Variants in CHD9 observed in about 807,000 individuals in gnomAD.
The protein encoded by CHD9 is ATP-dependent chromatin remodeler CHD9.
CHD9 carries 77 observed loss-of-function variants against 316.1 expected under a neutral mutation model. The ratio of observed to expected loss-of-function variants is 0.24; its 90% CI spans 0.20 to 0.29. The LOEUF (loss-of-function observed/expected upper bound fraction) is 0.29. Ranked by LOEUF, CHD9 falls within the 10% of genes least tolerant of loss-of-function variation. The pLI is 1.00. For synonymous variants in CHD9, 1,129 were observed against 1,158.3 expected (o/e 0.97, Z 0.51); for missense variants, 2,763 against 3,438.1 (o/e 0.80, Z 4.91).
At chr16:53,207,449 A>T (rs1031774555) in intron 2 of CHD9, among the ~76,000 whole-genome samples, 9 of 152,224 alleles carry the variant, frequency 5.9e-5, no homozygotes, top group Non-Finnish European at 1.3e-4. Context: ...CATTGTTAGT[A>T]ATCTTTATAA....
chr16:53,110,025 C>T (rs1364802493), intron 1 of CHD9, among the ~76,000 whole-genome samples: 2 of 152,096 alleles, frequency 1.3e-5, no homozygotes, highest in Non-Finnish European at 2.9e-5. Flanking sequence ...ATTCTAGCAA[C>T]ATTGAACTCT....
At chr16:53,087,176 G>C (rs992046201) in intron 1 of CHD9, among the ~76,000 whole-genome samples, 3 of 152,158 alleles carry the variant, frequency 2.0e-5, no homozygotes, top group African/African-American at 7.2e-5. Context: ...TCACTCTCTA[G>C]AAGTAGCAGG....
At chr16:53,322,000 CTT>C (rs61037497) in intron 38 of CHD9, among the ~76,000 whole-genome samples, 50 of 132,194 alleles carry the variant, frequency 3.8e-4, no homozygotes, top group Non-Finnish European at 4.4e-4. Context: ...TTTTCTTTTT[CTT>C]TTTTTTTTTT....
chr16:53,323,878 C>T, intron 38 of CHD9, 142 bp from the exon 39 acceptor site: 2 of 678,544 alleles, frequency 2.9e-6, no homozygotes, highest in Non-Finnish European at 4.9e-6. Flanking sequence ...TAGGTTATTG[C>T]TATTATAATT....
At chr16:53,238,815 TAAAC>T (rs2048842050) in intron 12 of CHD9, among the ~76,000 whole-genome samples, 1 of 152,174 alleles carries the variant, frequency 6.6e-6, no homozygotes, top group South Asian at 2.1e-4. Context: ...TATGCAGATT[TAAAC>T]AATGCACGAG....
rs984728461 is a variant in CHD9, at chr16:53,076,600, G to T, written c.-165+21523G>T. Among the ~76,000 whole-genome samples, 16 of 151,028 alleles carry T rather than the reference G, an allele frequency of 1.1e-4. No homozygotes were observed. The South Asian group carries it at 3.2e-3, about 30-fold the overall frequency. ...CAAAAAAAAAGAAAAGCAAAGAAAA[G>T]AAAAAATATATATATATGTATAAAT... On this transcript the variant is annotated intron_variant, in intron 1 of 38. Transcript: ENST00000447540.
chr16:53,262,741 C>G (rs1325371518), intron 19 of CHD9, among the ~76,000 whole-genome samples: 3 of 152,130 alleles, frequency 2.0e-5, no homozygotes, highest in African/African-American at 4.8e-5. Context: ...TCAGTCCTTA[C>G]CAAAAGTATC....
chr16:53,139,829 G>A (rs2039971642), intron 1 of CHD9, among the ~76,000 whole-genome samples: 1 of 152,100 alleles, frequency 6.6e-6, no homozygotes, highest in African/African-American at 2.4e-5. Flanking sequence ...CTGATACAGT[G>A]GCTCACATCT....
intron 1 of CHD9, among the ~76,000 whole-genome samples, chr16:53,070,188 T>C (rs2033889324): frequency 6.6e-6 from 1 of 152,186 alleles, no homozygotes; most frequent in Admixed American, 6.5e-5. Flanking sequence ...TTCCAAGTAT[T>C]TTCTCTGTGG....
chr16:53,219,248 C>T (rs1302637862), intron 3 of CHD9, among the ~76,000 whole-genome samples: 2 of 151,984 alleles, frequency 1.3e-5, no homozygotes, highest in African/African-American at 4.8e-5. Context: ...GTTGTGATAC[C>T]TATGAGATAC....
intron 37 of CHD9, among the ~76,000 whole-genome samples, chr16:53,319,061 C>T (rs370847241): frequency 1.9e-4 from 29 of 152,288 alleles, no homozygotes; most frequent in African/African-American, 6.0e-4. Context: ...AATAGACTTA[C>T]ATAGATTTCT....
At chr16:53,124,009 CATTTGGGT>C (rs1227388553) in intron 1 of CHD9, among the ~76,000 whole-genome samples, 3 of 152,106 alleles carry the variant, frequency 2.0e-5, no homozygotes, top group African/African-American at 7.2e-5. Flanking sequence ...AGCTGATAGA[CATTTGGGT>C]TGTTTCCACT....
chr16:53,146,223 TAAAAAAA>T (rs776269746), intron 1 of CHD9, among the ~76,000 whole-genome samples: 1 of 97,988 alleles, frequency 1.0e-5, no homozygotes, highest in African/African-American at 4.1e-5. Context: ...CCGTCTCTAC[TAAAAAAA>T]AAAAAAAAAA....
chr16:53,310,324 C>CT (rs959346440), intron 34 of CHD9, among the ~76,000 whole-genome samples: 31 of 146,624 alleles, frequency 2.1e-4, no homozygotes, highest in South Asian at 1.1e-3. Context: ...CAAAGGAGCC[C>CT]TTTTTTTTTT....
chr16:53,083,845 G>A (rs561310730), intron 1 of CHD9, among the ~76,000 whole-genome samples: 1 of 152,054 alleles, frequency 6.6e-6, no homozygotes, highest in South Asian at 2.1e-4. Flanking sequence ...TGAACTCATG[G>A]CCTCAAGCGA....
rs1488870364 is a variant in CHD9 at position 53,208,388 on chromosome 16, T to C, written c.1453-1094T>C. 6 of 1,277,290 alleles carry C rather than the reference T, an allele frequency of 4.7e-6. No homozygotes were observed. The African/African-American group carries it at 6.1e-5, about 13-fold the overall frequency. 79.1% of individuals were successfully genotyped at this position (1,277,290 alleles called of 1,614,324 possible). The stretch of plus-strand genomic sequence containing the variant: ...AATGAGTGGGAGGAGGAGGGGTTCT[T>C]TGGGCTAAAAGGCTAATGGGATTGA... On this transcript the variant is annotated intron_variant, in intron 2 of 38. Transcript: ENST00000447540.
Position 53,321,531 on chromosome 16 carries a change from A to C in CHD9, c.7719A>C (p.Gly2573=). ...LINRRNARKV[G]GAFAPPLKDL... ...AATCTGTTTCTAATTTACAGGTTGG[A>C]GGTGCATTTGCTCCCCCTTTGAAAG... Residue 2573 remains glycine (G), a synonymous_variant, in exon 38 of 39, where the codon GGA becomes GGC. Coordinates refer to ENST00000447540, the MANE Select transcript of CHD9 (RefSeq NM_001308319.2). 6.5e-7 allele frequency: 1 copy of C among 1,541,324 alleles called. No homozygotes were observed. Among genetic ancestry groups the C allele is most frequent in the Non-Finnish European group, 8.8e-7 (1 of 1,137,954 alleles).
intron 1 of CHD9, among the ~76,000 whole-genome samples, chr16:53,079,440 G>A (rs564818298): frequency 1.3e-5 from 2 of 152,234 alleles, no homozygotes; most frequent in African/African-American, 4.8e-5. Flanking sequence ...ACTGAGTTAT[G>A]TTTAGGCACT....
chr16:53,091,384 T>C (rs928174936), intron 1 of CHD9, among the ~76,000 whole-genome samples: 4 of 152,218 alleles, frequency 2.6e-5, no homozygotes, highest in Non-Finnish European at 4.4e-5. Flanking sequence ...CCTGGGATGA[T>C]TGTGAGGATT....
Sources: gnomAD v4.1 joint callset for allele counts (sites outside exome capture counted in the v4.1 genomes callset) on GRCh38, gnomAD v4.1.1 for gene constraint, MANE v1.5 for transcripts, NCBI Gene and HGNC (gene_info 2026-07-23, HGNC 2026-07-21) for gene names.